Variants in KCND3 observed in about 807,000 individuals in gnomAD.
KCND3 encodes the protein potassium voltage-gated channel subfamily D member 3.
Under a neutral mutation model 51.1 loss-of-function variants are expected in KCND3, and 9 were observed. The observed-to-expected ratio is 0.18, with a 90% CI of 0.11 to 0.31. The LOEUF (loss-of-function observed/expected upper bound fraction) is 0.31. Among genes scored for constraint, KCND3 ranks in the 10% least tolerant of loss-of-function variants. KCND3 has a pLI of 1.00. For synonymous variants in KCND3, 349 were observed against 368.0 expected (o/e 0.95, Z 0.59); for missense variants, 526 against 903.8 (o/e 0.58, Z 5.36).
chr1:111,974,200 A>G (rs1571927951), intron 2 of KCND3, among the ~76,000 whole-genome samples: 1 of 152,166 alleles, frequency 6.6e-6, no homozygotes, highest in Non-Finnish European at 1.5e-5. Flanking sequence ...CAGAGGCTGG[A>G]GTCTGAACTT....
chr1:111,821,704 C>A (rs1377087292), intron 2 of KCND3, among the ~76,000 whole-genome samples: 1 of 152,226 alleles, frequency 6.6e-6, no homozygotes, highest in Non-Finnish European at 1.5e-5. Flanking sequence ...TTCTCCTCCT[C>A]CAGTACGAAC....
At chr1:111,798,292 CCT>C (rs141871834) in intron 2 of KCND3, among the ~76,000 whole-genome samples, 4 of 151,040 alleles carry the variant, frequency 2.6e-5, no homozygotes, top group Non-Finnish European at 4.4e-5. Context: ...TGGGAATGGC[CCT>C]CTCTCTCTCT....
At chr1:111,878,905 G>A (rs1669180158) in intron 2 of KCND3, among the ~76,000 whole-genome samples, 1 of 152,202 alleles carries the variant, frequency 6.6e-6, no homozygotes, top group African/African-American at 2.4e-5. Flanking sequence ...AGCAGACTGA[G>A]TAAAGCAGAT....
chr1:111,848,871 G>T (rs544973062), intron 2 of KCND3, among the ~76,000 whole-genome samples: 1 of 152,198 alleles, frequency 6.6e-6, no homozygotes, highest in Non-Finnish European at 1.5e-5. Context: ...CACAGGGAGC[G>T]CTGGCTGCCT....
chr1:111,893,795 A>G (rs2101769088), intron 2 of KCND3, among the ~76,000 whole-genome samples: 1 of 152,330 alleles, frequency 6.6e-6, no homozygotes, highest in East Asian at 1.9e-4. Flanking sequence ...GACCCAGGCA[A>G]CTGGGTTAAT....
intron 2 of KCND3, among the ~76,000 whole-genome samples, chr1:111,854,414 G>T (rs567536435): frequency 6.6e-6 from 1 of 152,316 alleles, no homozygotes; most frequent in Non-Finnish European, 1.5e-5. Context: ...GACCCCCTGG[G>T]CTACGACCAT....
intron 2 of KCND3, among the ~76,000 whole-genome samples, chr1:111,807,810 T>G (rs1050645187): frequency 1.3e-5 from 2 of 152,210 alleles, no homozygotes; most frequent in Non-Finnish European, 2.9e-5. Flanking sequence ...TGCATGAGGA[T>G]AAAATTGCCT....
At chr1:111,968,495 C>A (rs1674138755) in intron 2 of KCND3, among the ~76,000 whole-genome samples, 1 of 152,220 alleles carries the variant, frequency 6.6e-6, no homozygotes, top group Admixed American at 6.5e-5. Context: ...GTGAGGATCA[C>A]AACTTATGAA....
chr1:111,955,530 T>G (rs1319078241), intron 2 of KCND3, among the ~76,000 whole-genome samples: 1 of 152,224 alleles, frequency 6.6e-6, no homozygotes, highest in African/African-American at 2.4e-5. Flanking sequence ...GCCACATTTC[T>G]GTTTTTGTGT....
At chr1:111,816,367 C>CA (rs1443271439) in intron 2 of KCND3, among the ~76,000 whole-genome samples, 1 of 152,270 alleles carries the variant, frequency 6.6e-6, no homozygotes, top group Non-Finnish European at 1.5e-5. Flanking sequence ...TGAACTGACT[C>CA]AGACTCCCTT....
At chr1:111,954,040 C>T (rs141837679) in intron 2 of KCND3, among the ~76,000 whole-genome samples, 14 of 152,254 alleles carry the variant, frequency 9.2e-5, no homozygotes, top group South Asian at 6.2e-4. Context: ...GTGTACTCTC[C>T]GCCCTTCCCT....
At chr1:111,870,581 G>A (rs1024930928) in intron 2 of KCND3, among the ~76,000 whole-genome samples, 2 of 152,290 alleles carry the variant, frequency 1.3e-5, no homozygotes, top group Middle Eastern at 3.4e-3. Flanking sequence ...CTATCAGCTA[G>A]GGTGCCTTGT....
intron 2 of KCND3, among the ~76,000 whole-genome samples, chr1:111,909,011 A>C (rs1477216873): frequency 6.6e-6 from 1 of 150,504 alleles, no homozygotes; most frequent in Non-Finnish European, 1.5e-5. Context: ...GGCAAGTAAT[A>C]AACAGTTTCT....
intron 2 of KCND3, among the ~76,000 whole-genome samples, chr1:111,914,687 T>C (rs1237514028): frequency 6.6e-6 from 1 of 152,166 alleles, no homozygotes; most frequent in Non-Finnish European, 1.5e-5. Flanking sequence ...CAATCAGAGA[T>C]GAAAGCAGAA....
At chr1:111,881,401 G>A (rs1669305879) in intron 2 of KCND3, among the ~76,000 whole-genome samples, 1 of 152,174 alleles carries the variant, frequency 6.6e-6, no homozygotes, top group Non-Finnish European at 1.5e-5. Context: ...GCCCAAGGCC[G>A]GGTGGGCACA....
intron 7 of KCND3, among the ~76,000 whole-genome samples, chr1:111,776,787 T>G (rs1418929362): frequency 6.6e-6 from 1 of 151,812 alleles, no homozygotes; most frequent in Non-Finnish European, 1.5e-5. Flanking sequence ...TAATTATTTT[T>G]AAAGTTTTTT....
intron 2 of KCND3, among the ~76,000 whole-genome samples, chr1:111,885,924 G>C (rs1272311153): frequency 2.0e-5 from 3 of 152,148 alleles, no homozygotes; most frequent in African/African-American, 7.2e-5. Context: ...ACCTGCCTCG[G>C]CCTCCTAAAG....
At chr1:111,891,980 C>CTG (rs35910937) in intron 2 of KCND3, among the ~76,000 whole-genome samples, 37,768 of 146,998 alleles carry the variant, frequency 0.26, 5,265 homozygotes, top group East Asian at 0.45. Flanking sequence ...GTGTGTGTGT[C>CTG]TGTGTGTGTG....
intron 2 of KCND3, among the ~76,000 whole-genome samples, chr1:111,918,239 T>C (rs1671314566): frequency 6.6e-6 from 1 of 152,158 alleles, no homozygotes; most frequent in Non-Finnish European, 1.5e-5. Flanking sequence ...CTGACGTCAA[T>C]GCTAGCAGTT....
Sources: allele counts gnomAD v4.1 joint callset (sites outside exome capture counted in the v4.1 genomes callset), GRCh38; gene constraint gnomAD v4.1.1; transcripts MANE v1.5; gene names NCBI Gene and HGNC (gene_info 2026-07-23, HGNC 2026-07-21).